Variants in PCDHA5 observed in about 807,000 individuals in gnomAD.
PCDHA5 encodes protocadherin alpha 5.
A neutral mutation model predicts 61.6 loss-of-function variants in PCDHA5; 43 were observed. The ratio of observed to expected loss-of-function variants is 0.70; its 90% confidence interval spans 0.55 to 0.90. The LOEUF (loss-of-function observed/expected upper bound fraction) is 0.90. Among genes scored for constraint, PCDHA5 ranks in the 40% least tolerant of loss-of-function variants. The pLI, the probability that PCDHA5 is intolerant of heterozygous loss-of-function variation, is 0.00. For missense variants in PCDHA5, 1,298 were observed against 1,222.7 expected (o/e 1.06, Z -0.92); for synonymous variants, 627 against 543.9 (o/e 1.15, Z -2.13).
chr5:140,857,278 C>A lies in PCDHA5; in HGVS notation c.2352+33151C>A, dbSNP rs541123870. On this transcript the variant is annotated intron_variant, in intron 1 of 3. Transcript: ENST00000529859. ...ATTACTACTCATTGGTGCTGGACAGCGCTCTGGACCGCGAGAGGGTGTCGG... is the reference window on the plus strand; with the variant it reads ...ATTACTACTCATTGGTGCTGGACAGAGCTCTGGACCGCGAGAGGGTGTCGG... The A allele has an allele frequency of 1.8e-5, 29 of 1,598,570 alleles. 3 individuals are homozygous for A. The highest frequency in any genetic ancestry group is 1.7e-4 in the Middle Eastern group (1 of 5,938).
chr5:140,957,792 T>C (rs148659760), intron 1 of PCDHA5, among the ~76,000 whole-genome samples: 1 of 152,230 alleles, frequency 6.6e-6, no homozygotes, highest in East Asian at 1.9e-4. Flanking sequence ...TCATCATATA[T>C]GTTAAGTAAA....
intron 1 of PCDHA5, chr5:140,857,912 C>A: frequency 1.3e-6 from 2 of 1,597,766 alleles, no homozygotes; most frequent in African/African-American, 1.3e-5. Flanking sequence ...CATCCCGTTT[C>A]GCGTGGGGCT....
intron 1 of PCDHA5, chr5:140,860,306 G>T (rs991442000): frequency 6.6e-6 from 1 of 152,016 alleles, no homozygotes; most frequent in Non-Finnish European, 1.5e-5. Context: ...GCTTGAGCCT[G>T]GGAAGTTGAG....
At chr5:140,830,392 G>A (rs2150186002) in intron 1 of PCDHA5, 2 of 1,614,160 alleles carry the variant, frequency 1.2e-6, no homozygotes, top group South Asian at 1.1e-5. Context: ...CACCCAAGAT[G>A]GATCTCATGG....
rs2150166927 is a variant in PCDHA5, at chr5:140,829,387, G to A, written c.2352+5260G>A. On this transcript the variant is annotated intron_variant, in intron 1 of 3. Coordinates refer to ENST00000529859, the MANE Select transcript of PCDHA5 (RefSeq NM_018908.3). ...TGGTAACCGCGCGGGACGGGGGCTC[G>A]CCTTCGCTGTGGGCCACCGCCAGCT... 10 of 1,614,054 alleles carry A rather than the reference G, an allele frequency of 6.2e-6. No individual in the cohort carries two copies. The Admixed American group carries it at 1.2e-4, about 19-fold the overall frequency.
intron 1 of PCDHA5, among the ~76,000 whole-genome samples, chr5:140,878,711 G>A (rs944193090): frequency 6.6e-5 from 10 of 152,156 alleles, no homozygotes; most frequent in East Asian, 1.9e-4. Context: ...GGTAGTAAAG[G>A]CATTAAAATT....
chr5:141,001,520 C>G (rs542518188), intron 3 of PCDHA5, among the ~76,000 whole-genome samples: 1 of 152,300 alleles, frequency 6.6e-6, no homozygotes, highest in South Asian at 2.1e-4. Flanking sequence ...CTTTCTCCCT[C>G]TCTCTCTGAT....
rs1554165105 is a variant in PCDHA5 at position 140,871,093 on chromosome 5, G to A, written c.2352+46966G>A. 3 of 1,613,300 alleles carry A rather than the reference G, an allele frequency of 1.9e-6. No individual in the cohort carries two copies. Among genetic ancestry groups the A allele is most frequent in the East Asian group, 4.5e-5 (2 of 44,870 alleles). ...GCCGGCGCTGACGGCCACGGCCACC[G>A]TGCTGGTGTCGTTGGTGGAGAGCGG... On this transcript the variant is annotated intron_variant, in intron 1 of 3. Transcript: ENST00000529859.
intron 1 of PCDHA5, among the ~76,000 whole-genome samples, chr5:140,956,131 C>A (rs2095258276): frequency 6.6e-6 from 1 of 152,096 alleles, no homozygotes; most frequent in African/African-American, 2.4e-5. Flanking sequence ...TATTTGAATA[C>A]CCTTTATTTC....
chr5:140,892,658 A>G (rs1202553509), intron 1 of PCDHA5, among the ~76,000 whole-genome samples: 4 of 152,202 alleles, frequency 2.6e-5, no homozygotes, highest in African/African-American at 9.7e-5. Context: ...ATACAGAGTG[A>G]CATTTTGATA....
chr5:140,935,388 T>C (rs2090344079), intron 1 of PCDHA5, among the ~76,000 whole-genome samples: 1 of 152,240 alleles, frequency 6.6e-6, no homozygotes, highest in African/African-American at 2.4e-5. Context: ...TCATTTGTTA[T>C]CCCACGGGAC....
intron 3 of PCDHA5, among the ~76,000 whole-genome samples, chr5:140,996,297 T>TGTAACAAAGTAAGGGG (rs2097720569): frequency 6.6e-6 from 1 of 152,196 alleles, no homozygotes; most frequent in Non-Finnish European, 1.5e-5. Context: ...AAGCACAGAT[T>TGTAACAAAGTAAGGGG]GTAACAAAGT....
At chr5:140,953,025 G>A (rs1408416785) in intron 1 of PCDHA5, among the ~76,000 whole-genome samples, 9 of 152,024 alleles carry the variant, frequency 5.9e-5, no homozygotes, top group African/African-American at 1.9e-4. Flanking sequence ...ACATTAAGGG[G>A]GAAATCCACC....
rs186232239 is a variant in PCDHA5, at chr5:140,924,849, C to T, written c.2353-54100C>T. On this transcript the variant is annotated intron_variant, in intron 1 of 3. Coordinates refer to ENST00000529859, the MANE Select transcript of PCDHA5 (RefSeq NM_018908.3). ...GGGGGAGGTTGCAGGGAGCTCAGAT[C>T]GTGCCACTGCACTCCAGCCTGGGTG... 8.0e-3 allele frequency among the ~76,000 whole-genome samples: 1,208 copies of T among 150,322 alleles called. 6 individuals are homozygous for T. Among genetic ancestry groups the T allele is most frequent in the African/African-American group, 0.019 (780 of 40,670 alleles).
intron 1 of PCDHA5, chr5:140,863,343 G>A (rs781977341): frequency 6.7e-6 from 9 of 1,338,226 alleles, no homozygotes; most frequent in Non-Finnish European, 5.2e-6. Context: ...CGTTGCTGCT[G>A]TACACGACGC....
intron 1 of PCDHA5, chr5:140,850,741 C>G: frequency 6.3e-7 from 1 of 1,597,822 alleles, no homozygotes. Flanking sequence ...GGGAGTTGGT[C>G]GTACTCGCAG....
chr5:140,829,749 T>A, intron 1 of PCDHA5: 1 of 1,613,676 alleles, frequency 6.2e-7, no homozygotes, highest in Non-Finnish European at 8.5e-7. Flanking sequence ...ACGCTGCAGG[T>A]GTTCGTGCTG....
chr5:140,946,611 A>AATATATATATAT lies in PCDHA5; in HGVS notation c.2353-32328_2353-32317dup, dbSNP rs1554217734. 3.4e-3 allele frequency among the ~76,000 whole-genome samples: 291 copies of AATATATATATAT among 86,770 alleles called. 7 individuals carry two copies. The highest frequency in any genetic ancestry group is 4.0e-3 in the Non-Finnish European group (186 of 46,640). 56.9% of individuals were successfully genotyped at this position (86,770 alleles called of 152,430 possible). A position where few individuals can be genotyped will look rare whatever the true frequency, so the allele number is the denominator to read the frequency against. On this transcript the variant is annotated intron_variant, in intron 1 of 3. Coordinates refer to ENST00000529859, the MANE Select transcript of PCDHA5 (RefSeq NM_018908.3). ...GGATGAATAGATAAAGAAAATGTGA[A>AATATATATATAT]ATATATATATATATATATATACAAT...
At chr5:140,851,741 G>A in intron 1 of PCDHA5, 1 of 972,212 alleles carries the variant, frequency 1.0e-6, no homozygotes, top group Non-Finnish European at 1.2e-6. Context: ...TTGAAATTCA[G>A]AGTCTGTAAC....
Sources: gnomAD v4.1 joint callset for allele counts (sites outside exome capture counted in the v4.1 genomes callset) on GRCh38, gnomAD v4.1.1 for gene constraint, MANE v1.5 for transcripts, NCBI Gene and HGNC (gene_info 2026-07-23, HGNC 2026-07-21) for gene names.